The following PPP1R12B variants were observed in gnomAD, a reference collection of about 807,000 sequenced individuals.
PPP1R12B encodes the protein protein phosphatase 1 regulatory subunit 12B, also known as myosin phosphatase target subunit 2.
In PPP1R12B, 76 loss-of-function variants were observed where a neutral mutation model predicts 126.1. The ratio of observed to expected loss-of-function variants is 0.60; its 90% CI spans 0.50 to 0.73. The LOEUF is 0.73. PPP1R12B is among the 30% of genes least tolerant of loss of function. The pLI, the probability that PPP1R12B is intolerant of heterozygous loss-of-function variation, is 0.00. For synonymous variants in PPP1R12B, 356 were observed against 434.7 expected (o/e 0.82, Z 2.25); for missense variants, 1,052 against 1,205.1 (o/e 0.87, Z 1.88).
chr1:202,372,746 C>G (rs1660504902), intron 1 of PPP1R12B, among the ~76,000 whole-genome samples: 1 of 151,448 alleles, frequency 6.6e-6, no homozygotes, highest in Admixed American at 6.6e-5. Flanking sequence ...GCACTTCAGC[C>G]TGGGCAACAG....
intron 18 of PPP1R12B, chr1:202,502,416 C>G (rs564868818): frequency 1.0e-6 from 1 of 983,568 alleles, no homozygotes; most frequent in South Asian, 4.7e-5. Flanking sequence ...AAAATAAATG[C>G]CATAGAAATA....
chr1:202,516,511 A>G (rs1203714326), intron 18 of PPP1R12B, among the ~76,000 whole-genome samples: 1 of 152,022 alleles, frequency 6.6e-6, no homozygotes, highest in Non-Finnish European at 1.5e-5. Context: ...AAAGGATGAT[A>G]TCTTCTCTTT....
intron 20 of PPP1R12B, among the ~76,000 whole-genome samples, chr1:202,564,230 T>G (rs1687834774): frequency 6.6e-6 from 1 of 152,222 alleles, no homozygotes; most frequent in African/African-American, 2.4e-5. Flanking sequence ...ATTAACATTA[T>G]TGAAGTTGGA....
At position 202,588,873 on chromosome 1, in the gene PPP1R12B, A is replaced by AGATG. The variant is rs1553332024; in HGVS notation, c.*8313_*8314insGATG. On this transcript the variant is annotated 3_prime_UTR_variant, in exon 24 of 24. Coordinates refer to ENST00000608999, the MANE Select transcript of PPP1R12B (RefSeq NM_002481.4). Reference sequence around the variant, plus strand: ...TAGATAGATAGATAGATAGATAGATATCAAGGTTCCAAGCTTCAAGTAACC... The same window carrying AGATG: ...TAGATAGATAGATAGATAGATAGATAGATGTCAAGGTTCCAAGCTTCAAGTAACC... 5.2e-5 allele frequency: 6 copies of AGATG among 116,414 alleles called. No individual in the cohort carries two copies. The East Asian group carries it at 1.1e-3, about 22-fold the overall frequency. 7.2% of individuals were successfully genotyped at this position (116,414 alleles called of 1,614,324 possible).
chr1:202,489,034 A>G (rs1020349339), intron 14 of PPP1R12B, among the ~76,000 whole-genome samples: 3 of 152,044 alleles, frequency 2.0e-5, no homozygotes, highest in African/African-American at 7.2e-5. Context: ...GCGAGACTCC[A>G]TCTCAAAAAA....
At chr1:202,363,062 G>A (rs1326089375) in intron 1 of PPP1R12B, among the ~76,000 whole-genome samples, 1 of 152,162 alleles carries the variant, frequency 6.6e-6, no homozygotes, top group Non-Finnish European at 1.5e-5. Context: ...TGGAACTCCT[G>A]GACTCAAGTG....
intron 18 of PPP1R12B, chr1:202,502,400 T>G (rs1213867543): frequency 9.1e-6 from 9 of 983,838 alleles, no homozygotes; most frequent in African/African-American, 1.7e-5. Context: ...TTTTGAACTT[T>G]AACAGAAAAT....
intron 18 of PPP1R12B, among the ~76,000 whole-genome samples, chr1:202,555,054 G>T (rs542371406): frequency 2.0e-3 from 299 of 152,070 alleles, no homozygotes; most frequent in Non-Finnish European, 3.6e-3. Flanking sequence ...ATTGCTGCTT[G>T]ATAGTGCTAA....
chr1:202,349,358 G>C (rs973299294), intron 1 of PPP1R12B, among the ~76,000 whole-genome samples: 2 of 152,144 alleles, frequency 1.3e-5, no homozygotes, highest in Admixed American at 1.3e-4. Context: ...CCCGCTGCTT[G>C]GTCAGTGTTT....
At chr1:202,529,527 A>T (rs1683712608) in intron 18 of PPP1R12B, among the ~76,000 whole-genome samples, 1 of 152,218 alleles carries the variant, frequency 6.6e-6, no homozygotes. Context: ...TATTTTTCTT[A>T]ACACCTGATG....
chr1:202,365,619 G>A (rs1659084712), intron 1 of PPP1R12B, among the ~76,000 whole-genome samples: 1 of 152,082 alleles, frequency 6.6e-6, no homozygotes, highest in African/African-American at 2.4e-5. Context: ...CGTCATGCTG[G>A]TATTTAAATT....
intron 1 of PPP1R12B, among the ~76,000 whole-genome samples, chr1:202,401,361 AT>A (rs34810265): frequency 1.4e-3 from 103 of 71,432 alleles, no homozygotes; most frequent in South Asian, 3.5e-3. Flanking sequence ...GGCTAATTTA[AT>A]TTTTTTTTTT....
chr1:202,452,991 T>C (rs1673199633), intron 13 of PPP1R12B, among the ~76,000 whole-genome samples: 1 of 152,140 alleles, frequency 6.6e-6, no homozygotes, highest in Non-Finnish European at 1.5e-5. Context: ...GTCCGATTGC[T>C]CTAGGTAGGA....
chr1:202,545,608 C>G (rs1265000231), intron 18 of PPP1R12B, among the ~76,000 whole-genome samples: 1 of 152,220 alleles, frequency 6.6e-6, no homozygotes, highest in East Asian at 1.9e-4. Flanking sequence ...AAATGAAAGA[C>G]ACAGTTCCTG....
chr1:202,536,957 T>C (rs1684596891), intron 18 of PPP1R12B, among the ~76,000 whole-genome samples: 1 of 152,226 alleles, frequency 6.6e-6, no homozygotes, highest in African/African-American at 2.4e-5. Context: ...GAATATCTCC[T>C]GAAGAACCTG....
intron 18 of PPP1R12B, among the ~76,000 whole-genome samples, chr1:202,533,112 GCCCGCC>G (rs1179297264): frequency 6.6e-6 from 1 of 151,848 alleles, no homozygotes; most frequent in Non-Finnish European, 1.5e-5. Context: ...CAGGTGATCT[GCCCGCC>G]TCAGCCTCCC....
intron 18 of PPP1R12B, chr1:202,540,035 C>T (rs1684944241): frequency 1.4e-6 from 2 of 1,399,626 alleles, no homozygotes; most frequent in Non-Finnish European, 1.9e-6. Context: ...AGTCATCTTG[C>T]ATCAACTCAA....
intron 13 of PPP1R12B, among the ~76,000 whole-genome samples, chr1:202,454,030 A>AAG (rs1673322317): frequency 6.6e-6 from 1 of 151,926 alleles, no homozygotes; most frequent in Non-Finnish European, 1.5e-5. Context: ...GCTGACAAAA[A>AAG]CTCTCTTTAA....
At chr1:202,462,725 C>T (rs1674473457) in intron 13 of PPP1R12B, 10 of 965,308 alleles carry the variant, frequency 1.0e-5, no homozygotes, top group African/African-American at 1.8e-5. Context: ...GTTGATTTTC[C>T]CATGTTAGAA....
Sources: allele counts gnomAD v4.1 joint callset (sites outside exome capture counted in the v4.1 genomes callset), GRCh38; gene constraint gnomAD v4.1.1; transcripts MANE v1.5; gene names NCBI Gene and HGNC (gene_info 2026-07-23, HGNC 2026-07-21).